Variants in AUTS2 observed in about 807,000 individuals in gnomAD.
The protein encoded by AUTS2 is activator of transcription and developmental regulator AUTS2.
AUTS2 carries 17 observed loss-of-function variants against 112.4 expected under a neutral mutation model. That is an observed-to-expected ratio of 0.15 (90% confidence interval 0.10 to 0.23). The LOEUF (loss-of-function observed/expected upper bound fraction) is 0.23. Among genes scored for constraint, AUTS2 ranks in the 10% least tolerant of loss-of-function variants. The pLI, the probability that AUTS2 is intolerant of heterozygous loss-of-function variation, is 1.00. For synonymous variants in AUTS2, 751 were observed against 702.7 expected (o/e 1.07, Z -1.09); for missense variants, 1,510 against 1,701.6 (o/e 0.89, Z 1.98).
chr7:70,395,362 C>T (rs1442091308), intron 4 of AUTS2, among the ~76,000 whole-genome samples: 1 of 152,138 alleles, frequency 6.6e-6, no homozygotes, highest in Non-Finnish European at 1.5e-5. Flanking sequence ...CTCAAACTTG[C>T]CACATCTTAA....
At position 70,178,571 on chromosome 7, in the gene AUTS2, G is replaced by A. The variant is rs974076863; in HGVS notation, c.660+44000G>A. ...TCCCAGCCCTTTGGGAGGCTGAGGC[G>A]GGTGGATCCCATGAGGTCAGGAGTT... On this transcript the variant is annotated intron_variant, in intron 4 of 18. Transcript: ENST00000342771. Among the ~76,000 whole-genome samples, 8 of 152,050 alleles carry A rather than the reference G, an allele frequency of 5.3e-5. No individual in the cohort carries two copies. In the East Asian group the frequency reaches 5.8e-4, roughly 11 times the overall value.
chr7:70,189,303 G>T (rs1254198983), intron 4 of AUTS2, among the ~76,000 whole-genome samples: 1 of 152,178 alleles, frequency 6.6e-6, no homozygotes, highest in South Asian at 2.1e-4. Context: ...GGACAGCAAG[G>T]ACTGTAGTTT....
chr7:70,695,566 C>T (rs963926768), intron 5 of AUTS2, among the ~76,000 whole-genome samples: 3 of 152,252 alleles, frequency 2.0e-5, no homozygotes, highest in Non-Finnish European at 2.9e-5. Flanking sequence ...CCCTTCTCGC[C>T]TGTGCGGGTG....
intron 5 of AUTS2, among the ~76,000 whole-genome samples, chr7:70,476,907 C>T (rs780426308): frequency 2.0e-5 from 3 of 152,206 alleles, no homozygotes; most frequent in Non-Finnish European, 4.4e-5. Context: ...AATTTGTGTT[C>T]AGAGCTGGAG....
chr7:70,125,564 C>T (rs1366887877), intron 3 of AUTS2, among the ~76,000 whole-genome samples: 3 of 152,152 alleles, frequency 2.0e-5, no homozygotes, highest in African/African-American at 7.2e-5. Flanking sequence ...GAACCTTCTG[C>T]AGCTTTCATG....
At chr7:69,740,063 C>T (rs757395625) in intron 1 of AUTS2, among the ~76,000 whole-genome samples, 2 of 152,160 alleles carry the variant, frequency 1.3e-5, no homozygotes, top group Non-Finnish European at 2.9e-5. Flanking sequence ...CAGCAGAGGA[C>T]ATGTAGTTTA....
At chr7:69,663,274 C>G (rs546054762) in intron 1 of AUTS2, 2 of 152,096 alleles carry the variant, frequency 1.3e-5, no homozygotes, top group Non-Finnish European at 2.9e-5. Context: ...GGTAAGCTTT[C>G]TATCCCAACT....
rs1438776720 is a variant in AUTS2 at position 69,714,247 on chromosome 7, A to ATGTGTGTGTGTG, written c.309+114286_309+114287insGTGTGTGTGTGT. Among the ~76,000 whole-genome samples the ATGTGTGTGTGTG allele has an allele frequency of 6.6e-4, 28 of 42,346 alleles. No individual in the cohort carries two copies. The East Asian group carries it at 0.014, about 22-fold the overall frequency. 27.8% of individuals were successfully genotyped at this position (42,346 alleles called of 152,430 possible). A position where few individuals can be genotyped will look rare whatever the true frequency, so the allele number is the denominator to read the frequency against. ...CCCAGCTAATTGTGCATGTGTGTGTATATGTGTGTGTGTGTGTGTGTGTGT... is the reference window on the plus strand; with the variant it reads ...CCCAGCTAATTGTGCATGTGTGTGTATGTGTGTGTGTGTATGTGTGTGTGTGTGTGTGTGTGT... On this transcript the variant is annotated intron_variant, in intron 1 of 18. Coordinates refer to ENST00000342771, the MANE Select transcript of AUTS2 (RefSeq NM_015570.4).
intron 5 of AUTS2, among the ~76,000 whole-genome samples, chr7:70,697,383 A>G (rs1237298920): frequency 6.6e-6 from 1 of 152,200 alleles, no homozygotes; most frequent in Non-Finnish European, 1.5e-5. Context: ...AGCAAAAAAC[A>G]GTCTTAATAC....
intron 4 of AUTS2, among the ~76,000 whole-genome samples, chr7:70,339,429 C>G (rs978400710): frequency 2.8e-4 from 43 of 152,148 alleles, no homozygotes; most frequent in Non-Finnish European, 4.4e-5. Context: ...GTAATACTCT[C>G]TTTTTCAGTA....
At chr7:69,691,595 G>T (rs1797348655) in intron 1 of AUTS2, among the ~76,000 whole-genome samples, 1 of 152,028 alleles carries the variant, frequency 6.6e-6, no homozygotes, top group Non-Finnish European at 1.5e-5. Flanking sequence ...TGCCGGGAGT[G>T]GGGAGAGGCC....
chr7:70,591,061 AAGAC>A (rs1802917708), intron 5 of AUTS2, among the ~76,000 whole-genome samples: 1 of 152,154 alleles, frequency 6.6e-6, no homozygotes, highest in South Asian at 2.1e-4. Context: ...GCTTGGAACT[AAGAC>A]AGAAAAGTTG....
At chr7:70,162,571 C>CT (rs1808148737) in intron 4 of AUTS2, among the ~76,000 whole-genome samples, 1 of 144,878 alleles carries the variant, frequency 6.9e-6, no homozygotes, top group Non-Finnish European at 1.5e-5. Context: ...CAGTCAATGT[C>CT]TTTGAGAGTC....
At chr7:70,658,025 G>C (rs550736193) in intron 5 of AUTS2, among the ~76,000 whole-genome samples, 2 of 152,340 alleles carry the variant, frequency 1.3e-5, no homozygotes, top group East Asian at 3.9e-4. Flanking sequence ...GAAAGGAAGA[G>C]GGGCAAGGAA....
At chr7:70,680,842 T>A (rs1302111876) in intron 5 of AUTS2, among the ~76,000 whole-genome samples, 1 of 152,224 alleles carries the variant, frequency 6.6e-6, no homozygotes, top group East Asian at 1.9e-4. Flanking sequence ...AATAGCATTC[T>A]TTCCCAGCAG....
intron 1 of AUTS2, among the ~76,000 whole-genome samples, chr7:69,659,514 T>C (rs1274317979): frequency 6.6e-6 from 1 of 150,434 alleles, no homozygotes; most frequent in African/African-American, 2.4e-5. Context: ...AGGGGATGGA[T>C]ACTTACAACA....
chr7:70,399,342 A>G (rs980155746), intron 4 of AUTS2, among the ~76,000 whole-genome samples: 1 of 152,088 alleles, frequency 6.6e-6, no homozygotes, highest in Non-Finnish European at 1.5e-5. Flanking sequence ...ATAGATTTCC[A>G]ATATTACGCC....
intron 1 of AUTS2, among the ~76,000 whole-genome samples, chr7:69,730,787 C>T (rs1786758606): frequency 6.6e-6 from 1 of 152,176 alleles, no homozygotes; most frequent in Non-Finnish European, 1.5e-5. Context: ...CTAGAGACCA[C>T]ATGGGATCTT....
chr7:69,803,414 C>T (rs563987345), intron 1 of AUTS2, among the ~76,000 whole-genome samples: 3 of 152,148 alleles, frequency 2.0e-5, no homozygotes, highest in South Asian at 2.1e-4. Context: ...GGGTTTGCTT[C>T]TCTATAATGA....
Sources: allele counts gnomAD v4.1 joint callset (sites outside exome capture counted in the v4.1 genomes callset), GRCh38; gene constraint gnomAD v4.1.1; transcripts MANE v1.5; gene names NCBI Gene and HGNC (gene_info 2026-07-23, HGNC 2026-07-21).